GPHN: variants seen among roughly 807,000 people sequenced by gnomAD.
GPHN encodes the protein gephyrin.
GPHN carries 17 observed loss-of-function variants against 95.5 expected under a neutral mutation model. The observed-to-expected ratio is 0.18, with a 90% confidence interval of 0.12 to 0.27. GPHN has a LOEUF of 0.27. GPHN is among the 10% of genes least tolerant of loss of function. The probability of loss-of-function intolerance (pLI) is 1.00; values close to 1 mark genes in which losing one functional copy is unlikely to be tolerated. For synonymous variants in GPHN, 320 were observed against 322.5 expected (o/e 0.99, Z 0.08); for missense variants, 660 against 978.1 (o/e 0.67, Z 4.34).
At chr14:66,683,385 T>TATATATATATGTTCATATATATATGTTC (rs1566812915) in intron 2 of GPHN, among the ~76,000 whole-genome samples, 1 of 109,844 alleles carries the variant, frequency 9.1e-6, no homozygotes, top group African/African-American at 5.5e-5. Flanking sequence ...TATATGTTCA[T>TATATATATATGTTCATATATATATGTTC]ATATATATGT....
chr14:66,868,467 C>T (rs1413218938), intron 4 of GPHN, among the ~76,000 whole-genome samples: 2 of 152,036 alleles, frequency 1.3e-5, no homozygotes, highest in Non-Finnish European at 2.9e-5. Flanking sequence ...GATTTCGGCT[C>T]ACTGCAGCCT....
chr14:67,328,205 T>A, the GPHN span, among the ~76,000 whole-genome samples: 1 of 152,188 alleles, frequency 6.6e-6, no homozygotes, highest in Admixed American at 6.5e-5. Flanking sequence ...CTCATTGTGG[T>A]TTTGATTTGC....
At chr14:67,040,795 G>C (rs1460134788) in intron 10 of GPHN, among the ~76,000 whole-genome samples, 1 of 152,064 alleles carries the variant, frequency 6.6e-6, no homozygotes, top group Non-Finnish European at 1.5e-5. Flanking sequence ...ATGTGATGTT[G>C]TATCTTTCTC....
At chr14:66,834,289 T>C (rs1395760010) in intron 4 of GPHN, among the ~76,000 whole-genome samples, 1 of 152,162 alleles carries the variant, frequency 6.6e-6, no homozygotes, top group Admixed American at 6.6e-5. Flanking sequence ...TCCTCTATTT[T>C]TTATGCATGA....
chr14:67,548,409 A>C, the GPHN span, among the ~76,000 whole-genome samples: 1 of 152,202 alleles, frequency 6.6e-6, no homozygotes, highest in African/African-American at 2.4e-5. Flanking sequence ...TAATAAAAGA[A>C]GAAATAGGCC....
At chr14:67,024,850 A>C (rs972405671) in intron 10 of GPHN, among the ~76,000 whole-genome samples, 1 of 152,166 alleles carries the variant, frequency 6.6e-6, no homozygotes, top group African/African-American at 2.4e-5. Context: ...AGAGACCTTC[A>C]CAAAGGTAAA....
At chr14:67,117,814 C>T (rs2078778785) in intron 16 of GPHN, among the ~76,000 whole-genome samples, 2 of 152,026 alleles carry the variant, frequency 1.3e-5, no homozygotes, top group Non-Finnish European at 2.9e-5. Flanking sequence ...AACGATCAGA[C>T]CTCAAAACAA....
In GPHN at chr14:66,568,407, A is replaced by C. The variant is rs528461299; in HGVS notation, c.64+59816A>C. ...CAGATTATTAGATCTATTTTGATTT[A>C]ATGGTAACAGTGCCATCTACTGAGT... is the stretch of plus-strand genomic sequence containing the variant. On this transcript the variant is annotated intron_variant, in intron 1 of 22. Transcript: ENST00000478722. Among the ~76,000 whole-genome samples the C allele has an allele frequency of 4.7e-4, 72 of 152,292 alleles. 3 individuals are homozygous for C. In the South Asian group the frequency reaches 0.015, roughly 31 times the overall value.
At chr14:67,265,469 T>C in the GPHN span, among the ~76,000 whole-genome samples, 1 of 151,874 alleles carries the variant, frequency 6.6e-6, no homozygotes, top group Non-Finnish European at 1.5e-5. Context: ...GGTGGGAGGG[T>C]TGCATGAGCC....
chr14:67,382,407 T>C, the GPHN span: 2 of 1,572,134 alleles, frequency 1.3e-6, no homozygotes, highest in African/African-American at 1.4e-5. Context: ...GTGGGTTCTG[T>C]AGGTACATTC....
the GPHN span, among the ~76,000 whole-genome samples, chr14:67,534,610 TCTA>T: frequency 6.6e-6 from 1 of 152,122 alleles, no homozygotes; most frequent in Non-Finnish European, 1.5e-5. Flanking sequence ...TCAGTCCACT[TCTA>T]CCACCTTCCC....
chr14:67,064,942 C>T (rs2075985044), intron 11 of GPHN, among the ~76,000 whole-genome samples: 1 of 152,142 alleles, frequency 6.6e-6, no homozygotes, highest in South Asian at 2.1e-4. Context: ...TTCAGTTCTG[C>T]TCTGATCTTA....
intron 1 of GPHN, among the ~76,000 whole-genome samples, chr14:66,679,702 G>T (rs1425205252): frequency 1.3e-5 from 2 of 152,126 alleles, no homozygotes; most frequent in African/African-American, 4.8e-5. Flanking sequence ...GTGCTTTGCT[G>T]TATTCAGTCA....
At chr14:67,700,798 G>A in the GPHN span, among the ~76,000 whole-genome samples, 2 of 151,922 alleles carry the variant, frequency 1.3e-5, no homozygotes, top group Admixed American at 1.3e-4. Flanking sequence ...GCCGAGGCGG[G>A]TGGATCAGCT....
the GPHN span, among the ~76,000 whole-genome samples, chr14:67,482,228 C>T: frequency 3.9e-5 from 6 of 152,158 alleles, no homozygotes; most frequent in Non-Finnish European, 4.4e-5. Flanking sequence ...GGCTGCTCTC[C>T]GAGCCTGCTG....
At chr14:67,574,276 C>T in the GPHN span, 5 of 1,608,418 alleles carry the variant, frequency 3.1e-6, no homozygotes, top group South Asian at 5.6e-5. This position sits in a 1 kb window ranked among gnomAD's most constrained non-coding sequence, Gnocchi z 4.2. Context: ...TACCTGACGG[C>T]CGATTCACCC....
the GPHN span, among the ~76,000 whole-genome samples, chr14:67,342,213 TAAAATAAAA>T: frequency 8.3e-6 from 1 of 119,834 alleles, no homozygotes; most frequent in South Asian, 2.4e-4. Context: ...AATAAATAAA[TAAAATAAAA>T]TAAAAAAAAA....
At chr14:66,944,248 T>C (rs1164196611) in intron 8 of GPHN, among the ~76,000 whole-genome samples, 1 of 152,142 alleles carries the variant, frequency 6.6e-6, no homozygotes, top group Non-Finnish European at 1.5e-5. Context: ...GAAAGGAAAA[T>C]CCAAGGCGGT....
intron 2 of GPHN, among the ~76,000 whole-genome samples, chr14:66,681,413 G>T (rs2066924460): frequency 1.3e-5 from 2 of 152,136 alleles, no homozygotes; most frequent in Non-Finnish European, 2.9e-5. Context: ...AATCCTGATG[G>T]CTGATGATAT....
Sources: gnomAD v4.1 joint callset for allele counts (sites outside exome capture counted in the v4.1 genomes callset) on GRCh38, gnomAD v4.1.1 for gene constraint, Gnocchi (gnomAD v3.1) non-coding constraint, MANE v1.5 for transcripts, NCBI Gene and HGNC (gene_info 2026-07-23, HGNC 2026-07-21) for gene names.